Variants in SPG11 observed in about 807,000 individuals in gnomAD.
The protein encoded by SPG11 is SPG11 vesicle trafficking associated, spatacsin.
In SPG11, 222 loss-of-function variants were observed where a neutral mutation model predicts 274.0. The ratio of observed to expected loss-of-function variants is 0.81; its 90% CI spans 0.73 to 0.91. The LOEUF (loss-of-function observed/expected upper bound fraction) is 0.91, where lower values mean the gene tolerates loss of function less well. SPG11 is among the 40% of genes least tolerant of loss of function. SPG11 has a pLI of 0.00. For synonymous variants in SPG11, 1,144 were observed against 1,039.7 expected (o/e 1.10, Z -1.93); for missense variants, 3,114 against 2,872.7 (o/e 1.08, Z -1.92).
intron 4 of SPG11, among the ~76,000 whole-genome samples, chr15:44,656,607 T>C (rs1028551559): frequency 2.0e-5 from 3 of 152,086 alleles, no homozygotes; most frequent in Non-Finnish European, 2.9e-5. Context: ...ATGTAAAAAG[T>C]AGTGACTTGG....
intron 28 of SPG11, 133 bp from the exon 29 acceptor site, chr15:44,585,983 G>GTTTTTTTTTTTTTTTTT (rs71111868): frequency 3.5e-6 from 1 of 286,752 alleles, no homozygotes; most frequent in African/African-American, 3.1e-5. Flanking sequence ...ATAAAAAGCT[G>GTTTTTTTTTTTTTTTTT]TTTTTTTTTT....
chr15:44,582,441 G>A lies in SPG11; in HGVS notation c.5866+1373C>T, dbSNP rs536707100. Among the ~76,000 whole-genome samples the A allele has an allele frequency of 8.4e-4, 128 of 152,224 alleles. 1 individual carries two copies. Among genetic ancestry groups the A allele is most frequent in the African/African-American group, 2.0e-3 (85 of 41,536 alleles). Reference sequence around the variant, plus strand: ...TACACGCCTGTAATCCCAGCTATTCGGGAGGCTGAGGCAGGCGAATCACTT... The same window carrying A: ...TACACGCCTGTAATCCCAGCTATTCAGGAGGCTGAGGCAGGCGAATCACTT... On this transcript the variant is annotated intron_variant, in intron 30 of 39. Transcript: ENST00000261866.
At chr15:44,567,868 G>C (rs2082341279) in intron 35 of SPG11, among the ~76,000 whole-genome samples, 1 of 152,180 alleles carries the variant, frequency 6.6e-6, no homozygotes, top group Admixed American at 6.5e-5. Flanking sequence ...CTAGGAATCT[G>C]TCCCTAAAGA....
rs981142438 is a variant in SPG11, at chr15:44,618,357, G to GA, written c.2834+1832dup. The stretch of plus-strand genomic sequence containing the variant: ...CCTCGTCTCTACTAAAAATACAAAA[G>GA]AAAAAAAAAAATTAGCCAGGCGTGG... On this transcript the variant is annotated intron_variant, in intron 15 of 39. Transcript: ENST00000261866. Among the ~76,000 whole-genome samples, 1,235 of 135,554 alleles carry GA rather than the reference G, an allele frequency of 9.1e-3. 13 individuals are homozygous for GA. The highest frequency in any genetic ancestry group is 0.032 in the African/African-American group (1,175 of 37,158). The allele number at this position is 135,554 out of a possible 152,430, so 88.9% of individuals were successfully genotyped here.
intron 38 of SPG11, among the ~76,000 whole-genome samples, chr15:44,565,059 C>A (rs565126952): frequency 6.6e-6 from 1 of 152,270 alleles, no homozygotes; most frequent in South Asian, 2.1e-4. Context: ...TTTAATCTTC[C>A]TCACAATGAA....
At chr15:44,593,679 T>C (rs2082958357) in intron 26 of SPG11, among the ~76,000 whole-genome samples, 1 of 152,144 alleles carries the variant, frequency 6.6e-6, no homozygotes, top group Admixed American at 6.6e-5. Context: ...TTTTGAGACC[T>C]TGGATAAGTT....
intron 17 of SPG11, 38 bp downstream of exon 17, chr15:44,613,392 C>G (rs754273621): frequency 1.2e-5 from 17 of 1,376,702 alleles, no homozygotes; most frequent in Non-Finnish European, 1.6e-5. Context: ...GTGACTGATC[C>G]AAAGCAAGTT....
At chr15:44,615,806 C>T (rs1302199589) in intron 15 of SPG11, among the ~76,000 whole-genome samples, 1 of 152,072 alleles carries the variant, frequency 6.6e-6, no homozygotes, top group Non-Finnish European at 1.5e-5. Context: ...ATTTTAAAAA[C>T]CTAAATCAAG....
Position 44,563,062 on chromosome 15 carries a change from C to G in SPG11, c.*59G>C. On this transcript the variant is annotated 3_prime_UTR_variant, in exon 40 of 40. Transcript: ENST00000261866. ...CAAAGATCTCCAATGCATTCTTCTT[C>G]TCATCACATCTGTCAGAATCTGCTA... is the stretch of plus-strand genomic sequence containing the variant. 6.5e-7 allele frequency: 1 copy of G among 1,534,500 alleles called. No homozygotes were observed. Among genetic ancestry groups the G allele is most frequent in the South Asian group, 1.1e-5 (1 of 89,062 alleles).
intron 30 of SPG11, among the ~76,000 whole-genome samples, chr15:44,579,554 AAGC>A (rs1299775358): frequency 4.8e-4 from 73 of 151,990 alleles, no homozygotes; most frequent in African/African-American, 1.5e-3. Flanking sequence ...AAAAAAGAAA[AAGC>A]AGGAAGATTT....
At chr15:44,604,110 CTT>C in intron 20 of SPG11, 2 of 429,768 alleles carry the variant, frequency 4.7e-6, no homozygotes, top group South Asian at 3.4e-5. Flanking sequence ...TGTACCTGCT[CTT>C]GTTTTCAAAG....
chr15:44,609,227 G>A (rs1391935539), intron 18 of SPG11, among the ~76,000 whole-genome samples: 2 of 152,098 alleles, frequency 1.3e-5, no homozygotes, highest in South Asian at 4.1e-4. Context: ...CGCCTCCCGG[G>A]TTCAAGCAAT....
At chr15:44,651,164 T>C (rs775727483) in intron 6 of SPG11, among the ~76,000 whole-genome samples, 1 of 152,210 alleles carries the variant, frequency 6.6e-6, no homozygotes, top group African/African-American at 2.4e-5. Flanking sequence ...AAAATAAATA[T>C]GCAGTTCATA....
intron 13 of SPG11, 46 bp from the exon 14 acceptor site, chr15:44,621,980 A>G: frequency 6.9e-7 from 1 of 1,457,640 alleles, no homozygotes; most frequent in Non-Finnish European, 9.4e-7. Context: ...TTTGGAGAAA[A>G]AGGCATCATT....
At position 44,657,174 on chromosome 15, in the gene SPG11, C is replaced by T; in HGVS notation, c.790G>A (p.Val264Ile). Residue 264 changes from valine to isoleucine, a missense_variant, in exon 4 of 40, where the codon GTT becomes ATT. By Grantham distance (29) the Val-to-Ile change is conservative. Transcript: ENST00000261866. ...ACTGCAACATCGAGGTCTTGAGAAACTTTCAGTGAAGTAAATGAAGAAATC... is the reference window on the plus strand; with the variant it reads ...ACTGCAACATCGAGGTCTTGAGAAATTTTCAGTGAAGTAAATGAAGAAATC... ...AKISSFTSLK[V>I]SQDLDVAVIV... 6.2e-7 allele frequency: 1 copy of T among 1,614,208 alleles called. No homozygotes were observed. The highest frequency in any genetic ancestry group is 8.5e-7 in the Non-Finnish European group (1 of 1,180,042).
At chr15:44,591,129 A>G (rs1216580416) in intron 27 of SPG11, among the ~76,000 whole-genome samples, 1 of 152,116 alleles carries the variant, frequency 6.6e-6, no homozygotes, top group African/African-American at 2.4e-5. Context: ...TTCCAATAGG[A>G]CTTACCTACT....
At chr15:44,609,298 A>AT (rs913011657) in intron 18 of SPG11, among the ~76,000 whole-genome samples, 74 of 144,440 alleles carry the variant, frequency 5.1e-4, no homozygotes, top group East Asian at 4.6e-3. Flanking sequence ...CCCCCGGCTA[A>AT]TTTTTTTTTT....
chr15:44,627,869 G>A (rs1170175640), intron 10 of SPG11, among the ~76,000 whole-genome samples: 6 of 152,144 alleles, frequency 3.9e-5, no homozygotes, highest in African/African-American at 1.4e-4. Context: ...GATTACAGGC[G>A]TGAGCCACCG....
chr15:44,562,975 A>G lies in SPG11; in HGVS notation c.*146T>C, dbSNP rs2082223077. ...GGAATTTCCTCCTGAAAAGTTTCTT[A>G]CTTGCTACCTACTACCCACAAAGGA... On this transcript the variant is annotated 3_prime_UTR_variant, in exon 40 of 40. Coordinates refer to ENST00000261866, the MANE Select transcript of SPG11 (RefSeq NM_025137.4). The G allele has an allele frequency of 4.2e-6, 3 of 720,482 alleles. No homozygotes were observed. Among genetic ancestry groups the G allele is most frequent in the Non-Finnish European group, 6.9e-6 (3 of 434,296 alleles). The allele number at this position is 720,482 out of a possible 1,614,324, so 44.6% of individuals were successfully genotyped here.
Sources: allele counts gnomAD v4.1 joint callset (sites outside exome capture counted in the v4.1 genomes callset), GRCh38; gene constraint gnomAD v4.1.1; transcripts MANE v1.5; gene names NCBI Gene and HGNC (gene_info 2026-07-23, HGNC 2026-07-21).